Variants in PDS5B observed in about 807,000 individuals in gnomAD.
PDS5B encodes sister chromatid cohesion protein PDS5 homolog B.
PDS5B carries 51 observed loss-of-function variants against 184.1 expected under a neutral mutation model. The observed-to-expected ratio is 0.28, with a 90% CI of 0.22 to 0.35. The LOEUF is 0.35. PDS5B is among the 10% of genes least tolerant of loss of function. PDS5B has a pLI of 1.00. For missense variants in PDS5B, 1,180 were observed against 1,723.3 expected (o/e 0.68, Z 5.58); for synonymous variants, 566 against 569.2 (o/e 0.99, Z 0.08).
intron 1 of PDS5B, among the ~76,000 whole-genome samples, chr13:32,622,542 G>A (rs1039769340): frequency 6.6e-6 from 1 of 152,114 alleles, no homozygotes; most frequent in African/African-American, 2.4e-5. Flanking sequence ...CCAACAAAAC[G>A]TACTTGTTAA....
chr13:32,775,312 C>CT lies in PDS5B; in HGVS notation c.*266dup. On this transcript the variant is annotated 3_prime_UTR_variant, in exon 35 of 35. Transcript: ENST00000315596. ...ACATAAAGAAGAAACTTGTAAATAT[C>CT]TTTTTTCTTTTTTTTAATGTTTCTG... 4.5e-6 allele frequency: 2 copies of CT among 446,486 alleles called. No homozygotes were observed. Among genetic ancestry groups the CT allele is most frequent in the African/African-American group, 2.0e-5 (1 of 49,742 alleles). The allele number at this position is 446,486 out of a possible 1,614,324, so 27.7% of individuals were successfully genotyped here. A position where few individuals can be genotyped will look rare whatever the true frequency, so the allele number is the denominator to read the frequency against.
chr13:32,745,071 T>C (rs1953695981), intron 23 of PDS5B, among the ~76,000 whole-genome samples: 2 of 152,214 alleles, frequency 1.3e-5, no homozygotes, highest in Non-Finnish European at 2.9e-5. Context: ...TTTACTAGTC[T>C]GGAATTCTAT....
intron 32 of PDS5B, 34 bp downstream of exon 32, chr13:32,770,594 C>T (rs370715722): frequency 1.4e-5 from 22 of 1,599,584 alleles, no homozygotes; most frequent in Non-Finnish European, 1.9e-5. Flanking sequence ...GCATCTGTTT[C>T]GTTACTATAT....
chr13:32,733,181 A>G (rs1953184470), intron 20 of PDS5B, among the ~76,000 whole-genome samples: 1 of 152,138 alleles, frequency 6.6e-6, no homozygotes, highest in Non-Finnish European at 1.5e-5. Context: ...CTCAATAGTG[A>G]TGAGAGAAAC....
chr13:32,707,569 A>AAAGTAT (rs1446278768), intron 18 of PDS5B, among the ~76,000 whole-genome samples: 2 of 149,222 alleles, frequency 1.3e-5, no homozygotes, highest in African/African-American at 5.0e-5. Context: ...TTCCCTTATT[A>AAAGTAT]AAGTATAAGC....
chr13:32,738,038 C>T (rs527407642), intron 21 of PDS5B, among the ~76,000 whole-genome samples: 2 of 152,224 alleles, frequency 1.3e-5, no homozygotes, highest in Admixed American at 1.3e-4. Flanking sequence ...GAATAATCTT[C>T]GTTACTAAAT....
At chr13:32,707,482 C>G (rs1378801638) in intron 18 of PDS5B, among the ~76,000 whole-genome samples, 1 of 150,956 alleles carries the variant, frequency 6.6e-6, no homozygotes, top group African/African-American at 2.4e-5. Context: ...TCTTTTGTTT[C>G]CTTTTAATCT....
At chr13:32,680,659 T>C (rs1951213633) in intron 10 of PDS5B, among the ~76,000 whole-genome samples, 1 of 152,236 alleles carries the variant, frequency 6.6e-6, no homozygotes, top group African/African-American at 2.4e-5. Context: ...GGCAATCTCC[T>C]TGATGGATTT....
chr13:32,647,595 G>T (rs530868590), intron 1 of PDS5B, among the ~76,000 whole-genome samples: 4 of 152,060 alleles, frequency 2.6e-5, no homozygotes, highest in East Asian at 1.9e-4. Context: ...ATGGTTTTTC[G>T]TATCTGCGAA....
chr13:32,621,353 G>A (rs1033909293), intron 1 of PDS5B, among the ~76,000 whole-genome samples: 3 of 152,160 alleles, frequency 2.0e-5, no homozygotes, highest in African/African-American at 7.2e-5. Context: ...AGCAATCTCA[G>A]CTACTCTGGA....
intron 1 of PDS5B, among the ~76,000 whole-genome samples, chr13:32,610,908 C>T (rs2058131305): frequency 6.6e-6 from 1 of 151,962 alleles, no homozygotes; most frequent in Admixed American, 6.6e-5. Flanking sequence ...TTATACCATG[C>T]TGCCTTTAGT....
chr13:32,675,806 C>T (rs1349242156), intron 8 of PDS5B, 38 bp from the exon 9 acceptor site: 1 of 1,237,482 alleles, frequency 8.1e-7, no homozygotes, highest in South Asian at 1.2e-5. Flanking sequence ...TGAATATCTA[C>T]TGCATGGTTT....
chr13:32,624,899 C>T (rs2058348556), intron 1 of PDS5B, among the ~76,000 whole-genome samples: 1 of 152,024 alleles, frequency 6.6e-6, no homozygotes, highest in East Asian at 1.9e-4. Context: ...TCAATTTACC[C>T]TTTTTTTGTG....
chr13:32,639,157 A>G (rs755210458), intron 1 of PDS5B, among the ~76,000 whole-genome samples: 6 of 151,914 alleles, frequency 3.9e-5, no homozygotes, highest in Non-Finnish European at 8.8e-5. Context: ...AAGAGATTTA[A>G]CAGAACACTT....
At chr13:32,694,552 T>C (rs1203822443) in intron 14 of PDS5B, among the ~76,000 whole-genome samples, 2 of 151,872 alleles carry the variant, frequency 1.3e-5, no homozygotes, top group Non-Finnish European at 2.9e-5. Context: ...TCAAAGTTTT[T>C]TGGTAGCTTT....
At chr13:32,756,694 T>C (rs1454218205) in intron 26 of PDS5B, among the ~76,000 whole-genome samples, 2 of 152,240 alleles carry the variant, frequency 1.3e-5, no homozygotes, top group Non-Finnish European at 2.9e-5. Context: ...TCTTAATGTC[T>C]TAATTTTTAG....
At chr13:32,602,843 G>A (rs532264844) in intron 1 of PDS5B, among the ~76,000 whole-genome samples, 20 of 152,198 alleles carry the variant, frequency 1.3e-4, no homozygotes, top group African/African-American at 4.3e-4. Flanking sequence ...TTCTCTGATG[G>A]CCAGTGATGA....
At chr13:32,697,033 A>G in intron 15 of PDS5B, 131 bp downstream of exon 15, 1 of 556,160 alleles carries the variant, frequency 1.8e-6, no homozygotes, top group Non-Finnish European at 3.1e-6. Context: ...AGTGTCTTAC[A>G]TGAGCTAGAG....
intron 18 of PDS5B, 122 bp downstream of exon 18, chr13:32,707,161 T>A: frequency 1.9e-6 from 1 of 522,990 alleles, no homozygotes. Context: ...TTTTCTCAGT[T>A]GTTTTAGATG....
Sources: allele counts gnomAD v4.1 joint callset (sites outside exome capture counted in the v4.1 genomes callset), GRCh38; gene constraint gnomAD v4.1.1; transcripts MANE v1.5; gene names NCBI Gene and HGNC (gene_info 2026-07-23, HGNC 2026-07-21).